The following ORAI2 variants were observed in gnomAD, a reference collection of about 807,000 sequenced individuals.
ORAI2 encodes protein orai-2.
In ORAI2, 10 loss-of-function variants were observed where a neutral mutation model predicts 16.2. The ratio of observed to expected loss-of-function variants is 0.62; its 90% CI spans 0.38 to 1.04. The LOEUF (loss-of-function observed/expected upper bound fraction) is 1.04, where lower values mean the gene tolerates loss of function less well. Among genes scored for constraint, ORAI2 ranks in the 50% least tolerant of loss-of-function variants. The probability of loss-of-function intolerance (pLI) is 0.01; values close to 1 mark genes in which losing one functional copy is unlikely to be tolerated. For synonymous variants in ORAI2, 150 were observed against 157.5 expected, an observed-to-expected ratio of 0.95 and a Z score of 0.35; for missense variants, 238 against 355.5, an observed-to-expected ratio of 0.67 and a Z score of 2.66.
chr7:102,452,143 T>G lies in ORAI2; in HGVS notation c.*5091T>G, dbSNP rs1475735127. 1 of 152,070 alleles carries G rather than the reference T, an allele frequency of 6.6e-6. No individual in the cohort carries two copies. The highest frequency in any genetic ancestry group is 2.4e-5 in the African/African-American group (1 of 41,410). The allele number at this position is 152,070 out of a possible 1,614,324, so 9.4% of individuals were successfully genotyped here. The stretch of plus-strand genomic sequence containing the variant: ...AAGGAAGCACCAGACAGCCTTTTTT[T>G]TTTTTTTGAGACAGAGTCGCTCTGT... On this transcript the variant is annotated 3_prime_UTR_variant, in exon 4 of 4. Coordinates refer to ENST00000495936, the MANE Select transcript of ORAI2 (RefSeq NM_001126340.3).
intron 2 of ORAI2, among the ~76,000 whole-genome samples, chr7:102,437,964 C>T (rs570347940): frequency 6.6e-6 from 1 of 152,170 alleles, no homozygotes; most frequent in Middle Eastern, 3.4e-3. Context: ...CAGAAGCTTC[C>T]CTTGAACCTA....
chr7:102,439,652 T>A (rs1213631307), intron 3 of ORAI2, among the ~76,000 whole-genome samples: 2 of 151,902 alleles, frequency 1.3e-5, no homozygotes, highest in African/African-American at 2.4e-5. Flanking sequence ...TAGCCCCAGC[T>A]ACTTGGGAGG....
rs1212221507 is a variant in ORAI2, at chr7:102,437,773, G to A, written c.-13-1171G>A. Among the ~76,000 whole-genome samples, 6 of 152,082 alleles carry A rather than the reference G, an allele frequency of 3.9e-5. No individual in the cohort carries two copies. The East Asian group carries it at 5.8e-4, about 15-fold the overall frequency. ...ATTCAAAAGCCCTAGAGGTGAGGCC[G>A]GGTGCAGTGGCCCACACGTGTAATC... On this transcript the variant is annotated intron_variant, in intron 2 of 3. Coordinates refer to ENST00000495936, the MANE Select transcript of ORAI2 (RefSeq NM_001126340.3).
chr7:102,436,803 TG>T (rs1197165105), intron 2 of ORAI2, among the ~76,000 whole-genome samples: 1 of 152,194 alleles, frequency 6.6e-6, no homozygotes, highest in African/African-American at 2.4e-5. Flanking sequence ...CTCCGCCTTC[TG>T]GGTTCAAGCG....
rs778950283 is a variant in ORAI2 at position 102,446,876 on chromosome 7, G to A, written c.589G>A (p.Ala197Thr). 11 of 1,613,280 alleles carry A rather than the reference G, an allele frequency of 6.8e-6. No individual in the cohort carries two copies. Among genetic ancestry groups the A allele is most frequent in the East Asian group, 2.2e-5 (1 of 44,886 alleles). The change falls in exon 4 of 4, where the codon GCC becomes ACC. Residue 197 changes from alanine (A) to threonine (T), a missense_variant. Ala to Thr is a moderately conservative substitution (Grantham distance 58). Around this residue, in one of 3 missense-constraint regions of ORAI2, gnomAD observed 176 missense variants for 265.9 expected, o/e 0.66. Coordinates refer to ENST00000495936, the MANE Select transcript of ORAI2 (RefSeq NM_001126340.3). ...GPGSHTGWQA[A>T]LVSTIIMVPV... ...TGGGAGTCACACGGGCTGGCAGGCC[G>A]CCCTGGTGTCCACCATCATCATGGT...
At position 102,446,596 on chromosome 7, in the gene ORAI2, G is replaced by T; in HGVS notation, c.309G>T (p.Val103=). 6.2e-7 allele frequency: 1 copy of T among 1,613,804 alleles called. No homozygotes were observed. Among genetic ancestry groups the T allele is most frequent in the Non-Finnish European group, 8.5e-7 (1 of 1,180,030 alleles). The change falls in exon 4 of 4, where the codon GTG becomes GTT. Residue 103 remains valine (V), a synonymous_variant. Coordinates refer to ENST00000495936, the MANE Select transcript of ORAI2 (RefSeq NM_001126340.3). The part of the protein sequence containing the change: ...LLIAFSACTT[V]LVAVHLFALL... ...TTGCCTTCAGCGCCTGCACCACGGT[G>T]CTGGTGGCCGTGCACCTGTTCGCCC...
At chr7:102,444,866 C>T (rs1032245259) in intron 3 of ORAI2, among the ~76,000 whole-genome samples, 3 of 151,724 alleles carry the variant, frequency 2.0e-5, no homozygotes, top group Non-Finnish European at 2.9e-5. Context: ...GGGGTTTCAC[C>T]ATGCGGGCCA....
Position 102,447,066 on chromosome 7 carries a change from G to T in ORAI2, c.*14G>T. On this transcript the variant is annotated 3_prime_UTR_variant, in exon 4 of 4. Coordinates refer to ENST00000495936, the MANE Select transcript of ORAI2 (RefSeq NM_001126340.3). ...CAGGTCTTGTGAGGGGCCGAGGGCC[G>T]GGGCTGGGAGCGGCCCTGTGCCCGG... 2 of 1,515,476 alleles carry T rather than the reference G, an allele frequency of 1.3e-6. No individual in the cohort carries two copies. The allele number at this position is 1,515,476 out of a possible 1,614,324, so 93.9% of individuals were successfully genotyped here. A position where few individuals can be genotyped will look rare whatever the true frequency, so the allele number is the denominator to read the frequency against.
intron 3 of ORAI2, 40 bp from the exon 4 acceptor site, chr7:102,446,473 C>T: frequency 1.9e-6 from 3 of 1,566,780 alleles, no homozygotes; most frequent in Non-Finnish European, 2.6e-6. Flanking sequence ...CATACCTTGC[C>T]CTCTCCACAC....
intron 3 of ORAI2, among the ~76,000 whole-genome samples, chr7:102,446,228 C>T (rs1442978244): frequency 6.6e-6 from 1 of 152,264 alleles, no homozygotes; most frequent in Non-Finnish European, 1.5e-5. Context: ...GGATTATAGG[C>T]GTGAGCGACC....
Position 102,447,519 on chromosome 7 carries a change from C to G in ORAI2, c.*467C>G, listed in dbSNP as rs1012324900. 1.2e-5 allele frequency: 2 copies of G among 161,382 alleles called. No individual in the cohort carries two copies. The highest frequency in any genetic ancestry group is 2.4e-5 in the African/African-American group (1 of 41,592). 10.0% of individuals were successfully genotyped at this position (161,382 alleles called of 1,614,324 possible). On this transcript the variant is annotated 3_prime_UTR_variant, in exon 4 of 4. Coordinates refer to ENST00000495936, the MANE Select transcript of ORAI2 (RefSeq NM_001126340.3). Reference sequence around the variant, plus strand: ...AGTGGCCCGTGTGACAGTGATGACACGAAGGCTTCGGCGTTTGAGTGGGTG... The same window carrying G: ...AGTGGCCCGTGTGACAGTGATGACAGGAAGGCTTCGGCGTTTGAGTGGGTG...
chr7:102,441,192 CTCTA>C (rs1188451881), intron 3 of ORAI2, among the ~76,000 whole-genome samples: 1 of 151,702 alleles, frequency 6.6e-6, no homozygotes, highest in Non-Finnish European at 1.5e-5. Context: ...CGTGCCCAGC[CTCTA>C]TTGTTTTTCT....
At position 102,447,484 on chromosome 7, in the gene ORAI2, A is replaced by T. The variant is rs1586718047; in HGVS notation, c.*432A>T. The T allele has an allele frequency of 1.1e-5, 2 of 184,878 alleles. No homozygotes were observed. The highest frequency in any genetic ancestry group is 2.3e-4 in the South Asian group (2 of 8,770). 11.5% of individuals were successfully genotyped at this position (184,878 alleles called of 1,614,324 possible). A position where few individuals can be genotyped will look rare whatever the true frequency, so the allele number is the denominator to read the frequency against. On this transcript the variant is annotated 3_prime_UTR_variant, in exon 4 of 4. Coordinates refer to ENST00000495936, the MANE Select transcript of ORAI2 (RefSeq NM_001126340.3). ...GCCCCAGAGACCCGTGGTGGACTTC[A>T]TGGGTGCTGAGTGGCCCGTGTGACA...
chr7:102,441,733 T>G (rs2133227034), intron 3 of ORAI2, among the ~76,000 whole-genome samples: 1 of 152,118 alleles, frequency 6.6e-6, no homozygotes, highest in African/African-American at 2.4e-5. Context: ...GTGGAACTCA[T>G]AGATACAGAG....
At chr7:102,435,534 C>G (rs561277509) in intron 1 of ORAI2, among the ~76,000 whole-genome samples, 3 of 117,160 alleles carry the variant, frequency 2.6e-5, no homozygotes, top group Admixed American at 2.5e-4. Flanking sequence ...TTGCCCCCCC[C>G]TCTTTTTTTT....
intron 2 of ORAI2, among the ~76,000 whole-genome samples, chr7:102,438,540 T>C (rs568677853): frequency 3.0e-4 from 45 of 152,160 alleles, no homozygotes; most frequent in Middle Eastern, 3.4e-3. Flanking sequence ...TTTGGGAGGC[T>C]GAGGCAGGCA....
At position 102,451,393 on chromosome 7, in the gene ORAI2, G is replaced by A. The variant is rs548853575; in HGVS notation, c.*4341G>A. 1.3e-5 allele frequency: 2 copies of A among 152,250 alleles called. No individual in the cohort carries two copies. Among genetic ancestry groups the A allele is most frequent in the East Asian group, 3.9e-4 (2 of 5,172 alleles). The allele number at this position is 152,250 out of a possible 1,614,324, so 9.4% of individuals were successfully genotyped here. A position where few individuals can be genotyped will look rare whatever the true frequency, so the allele number is the denominator to read the frequency against. ...GTGTTTCTGGTTTAGAAACTTGGAA[G>A]GCGGAATGTGTTTTCGTGTCTTCTA... is the stretch of plus-strand genomic sequence containing the variant. On this transcript the variant is annotated 3_prime_UTR_variant, in exon 4 of 4. Transcript: ENST00000495936.
At chr7:102,434,121 CAAAAAAA>C (rs55642836) in intron 1 of ORAI2, among the ~76,000 whole-genome samples, 6 of 67,018 alleles carry the variant, frequency 9.0e-5, no homozygotes, top group Non-Finnish European at 1.7e-4. Flanking sequence ...CTCATTAAAG[CAAAAAAA>C]AAAAAAAAAA....
At chr7:102,437,209 G>A (rs1192782485) in intron 2 of ORAI2, among the ~76,000 whole-genome samples, 2 of 152,258 alleles carry the variant, frequency 1.3e-5, no homozygotes, top group African/African-American at 4.8e-5. Context: ...ATGTGGTCAT[G>A]TGAGTTGGTG....
Sources: gnomAD v4.1 joint callset for allele counts (sites outside exome capture counted in the v4.1 genomes callset) on GRCh38, gnomAD v4.1.1 for gene constraint, gnomAD v4.1.1 regional missense constraint, MANE v1.5 for transcripts, NCBI Gene and HGNC (gene_info 2026-07-23, HGNC 2026-07-21) for gene names.